FTO: variants seen among roughly 807,000 people sequenced by gnomAD.
The protein encoded by FTO is alpha-ketoglutarate-dependent dioxygenase FTO.
In FTO, 47 loss-of-function variants were observed where a neutral mutation model predicts 63.9. That is an observed-to-expected ratio of 0.74 (90% CI 0.58 to 0.94). FTO has a LOEUF of 0.94. Among genes scored for constraint, FTO ranks in the 40% least tolerant of loss-of-function variants. FTO has a pLI of 0.00. For missense variants in FTO, 562 were observed against 618.1 expected, an observed-to-expected ratio of 0.91 and a Z score of 0.96; for synonymous variants, 207 against 224.4, an observed-to-expected ratio of 0.92 and a Z score of 0.69.
At chr16:53,830,500 A>C (rs994816073) in intron 3 of FTO, among the ~76,000 whole-genome samples, 1 of 152,204 alleles carries the variant, frequency 6.6e-6, no homozygotes, top group Non-Finnish European at 1.5e-5. Context: ...GGAAGGAAAC[A>C]TTTTCTGTGA....
intron 8 of FTO, among the ~76,000 whole-genome samples, chr16:53,935,328 C>T (rs2082364243): frequency 6.6e-6 from 1 of 152,104 alleles, no homozygotes. Flanking sequence ...TAATAATTAT[C>T]ATAAAAATAA....
chr16:54,012,441 C>T (rs1474728694), intron 8 of FTO, among the ~76,000 whole-genome samples: 2 of 152,194 alleles, frequency 1.3e-5, no homozygotes, highest in Non-Finnish European at 2.9e-5. Context: ...GCAGCAAGTG[C>T]TGATACAGAG....
intron 4 of FTO, among the ~76,000 whole-genome samples, chr16:53,858,212 T>A (rs2080065558): frequency 6.6e-6 from 1 of 152,220 alleles, no homozygotes; most frequent in Admixed American, 6.5e-5. Context: ...TTTTTCTTCA[T>A]ATTTAACATC....
intron 8 of FTO, chr16:53,991,121 A>G (rs2083799964): frequency 6.6e-6 from 1 of 152,052 alleles, no homozygotes; most frequent in Non-Finnish European, 1.5e-5. Flanking sequence ...GTATTTCTTC[A>G]TGACTCACTG....
chr16:53,725,470 T>G (rs566116242), intron 1 of FTO, among the ~76,000 whole-genome samples: 10 of 152,330 alleles, frequency 6.6e-5, no homozygotes, highest in African/African-American at 2.4e-4. Context: ...TTTTTCTGGA[T>G]CAAAACTATA....
chr16:53,731,171 G>A (rs1398296412), intron 1 of FTO, among the ~76,000 whole-genome samples: 1 of 152,102 alleles, frequency 6.6e-6, no homozygotes, highest in Non-Finnish European at 1.5e-5. Flanking sequence ...TATTTGAGAG[G>A]ACATTGGAGA....
intron 7 of FTO, among the ~76,000 whole-genome samples, chr16:53,898,078 T>C (rs1213889724): frequency 5.3e-5 from 8 of 152,132 alleles, no homozygotes; most frequent in Admixed American, 5.2e-4. Context: ...AATGTTCCTT[T>C]GAGATACAAG....
chr16:53,895,683 C>T (rs746340399), intron 7 of FTO, among the ~76,000 whole-genome samples: 16 of 152,150 alleles, frequency 1.1e-4, no homozygotes, highest in Non-Finnish European at 1.6e-4. Flanking sequence ...TGTTTTTAAC[C>T]CTTACATGAG....
At chr16:53,959,004 A>T (rs1323231216) in intron 8 of FTO, among the ~76,000 whole-genome samples, 1 of 152,258 alleles carries the variant, frequency 6.6e-6, no homozygotes, top group Admixed American at 6.5e-5. Context: ...TGCATGTATT[A>T]TGAATGTGTT....
chr16:53,897,559 G>A (rs1048334852), intron 7 of FTO, among the ~76,000 whole-genome samples: 1 of 152,192 alleles, frequency 6.6e-6, no homozygotes, highest in Non-Finnish European at 1.5e-5. Context: ...TGCGTCAGAT[G>A]TTCTTTAACA....
intron 8 of FTO, among the ~76,000 whole-genome samples, chr16:54,022,736 T>C (rs928295428): frequency 6.6e-6 from 1 of 152,238 alleles, no homozygotes; most frequent in Non-Finnish European, 1.5e-5. Context: ...CCACAAATGA[T>C]AAATTATACA....
intron 2 of FTO, among the ~76,000 whole-genome samples, chr16:53,819,248 C>T (rs892822770): frequency 6.6e-6 from 1 of 152,166 alleles, no homozygotes; most frequent in African/African-American, 2.4e-5. Context: ...AGGCTCACTT[C>T]AGCTTCCACT....
At chr16:53,892,838 T>C (rs1033085054) in intron 7 of FTO, among the ~76,000 whole-genome samples, 10 of 151,842 alleles carry the variant, frequency 6.6e-5, no homozygotes, top group African/African-American at 2.4e-4. Context: ...CAAGGTGTAG[T>C]CTCAGGAAGG....
chr16:54,027,926 G>A (rs1443602105), intron 8 of FTO, among the ~76,000 whole-genome samples: 4 of 152,070 alleles, frequency 2.6e-5, no homozygotes, highest in Non-Finnish European at 5.9e-5. Context: ...AATGGTTCAT[G>A]TAGCCTCATT....
At chr16:53,877,107 C>T (rs1248446100) in intron 5 of FTO, among the ~76,000 whole-genome samples, 2 of 152,190 alleles carry the variant, frequency 1.3e-5, no homozygotes, top group Non-Finnish European at 2.9e-5. Context: ...GGAAGTGGCA[C>T]CCATGTGCAC....
intron 2 of FTO, among the ~76,000 whole-genome samples, chr16:53,819,744 G>A (rs1031504579): frequency 3.9e-5 from 6 of 151,980 alleles, no homozygotes; most frequent in Admixed American, 6.6e-5. Flanking sequence ...ACCATAAAAT[G>A]CACGTTTTGA....
intron 4 of FTO, among the ~76,000 whole-genome samples, chr16:53,860,881 A>AACACAC (rs35826323): frequency 0.015 from 2,189 of 145,820 alleles, 55 homozygotes; most frequent in African/African-American, 0.045. Flanking sequence ...AAATGTTTTT[A>AACACAC]ACACACACAC....
intron 1 of FTO, among the ~76,000 whole-genome samples, chr16:53,795,285 G>T (rs1215519885): frequency 6.6e-6 from 1 of 152,172 alleles, no homozygotes; most frequent in Admixed American, 6.5e-5. Flanking sequence ...AGAGACAAAA[G>T]ATTTTTTAAA....
intron 7 of FTO, among the ~76,000 whole-genome samples, chr16:53,890,530 G>A (rs1052606868): frequency 6.6e-6 from 1 of 152,162 alleles, no homozygotes; most frequent in African/African-American, 2.4e-5. Flanking sequence ...GTCTGGATCA[G>A]AATCCAAAAG....
Sources: gnomAD v4.1 joint callset for allele counts (sites outside exome capture counted in the v4.1 genomes callset) on GRCh38, gnomAD v4.1.1 for gene constraint, MANE v1.5 for transcripts, NCBI Gene and HGNC (gene_info 2026-07-23, HGNC 2026-07-21) for gene names.